Variants in TBCK observed in about 807,000 individuals in gnomAD.
The protein encoded by TBCK is TBC domain-containing protein kinase-like protein.
In TBCK, 99 loss-of-function variants were observed where a neutral mutation model predicts 113.4. The ratio of observed to expected loss-of-function variants is 0.87; its 90% CI spans 0.74 to 1.03. TBCK has a LOEUF of 1.03. TBCK is among the 50% of genes least tolerant of loss of function. The probability of loss-of-function intolerance (pLI) is 0.00; values close to 1 mark genes in which losing one functional copy is unlikely to be tolerated. For synonymous variants in TBCK, 369 were observed against 370.8 expected (o/e 1.00, Z 0.05); for missense variants, 1,045 against 1,061.3 (o/e 0.98, Z 0.21).
At chr4:106,076,295 C>T (rs911388666) in intron 25 of TBCK, among the ~76,000 whole-genome samples, 5 of 152,232 alleles carry the variant, frequency 3.3e-5, no homozygotes, top group South Asian at 2.1e-4. Context: ...CCATATATTA[C>T]TTGGAACCTA....
chr4:106,281,782 T>C (rs182313166), intron 3 of TBCK, among the ~76,000 whole-genome samples: 5 of 152,266 alleles, frequency 3.3e-5, no homozygotes, highest in African/African-American at 1.2e-4. Context: ...TCATGACGAA[T>C]GATCTTTCTA....
At chr4:106,215,620 G>A (rs1756790522) in intron 19 of TBCK, among the ~76,000 whole-genome samples, 1 of 152,240 alleles carries the variant, frequency 6.6e-6, no homozygotes, top group East Asian at 1.9e-4. Context: ...AGACAAAGAA[G>A]GCCATAACAT....
chr4:106,169,612 G>GTC (rs1750765215), intron 23 of TBCK, among the ~76,000 whole-genome samples: 1 of 152,060 alleles, frequency 6.6e-6, no homozygotes, highest in Admixed American at 6.6e-5. Flanking sequence ...ACCAAGGACT[G>GTC]TCTTCATGGA....
intron 25 of TBCK, among the ~76,000 whole-genome samples, chr4:106,094,862 A>C (rs1286778316): frequency 6.6e-6 from 1 of 152,140 alleles, no homozygotes; most frequent in Non-Finnish European, 1.5e-5. Context: ...ATATCTAGAT[A>C]CCTTCTCTGG....
At chr4:106,237,353 C>A (rs549038634) in intron 12 of TBCK, 436 of 314,030 alleles carry the variant, frequency 1.4e-3, no homozygotes, top group Non-Finnish European at 1.5e-3. Flanking sequence ...ATGACAAAAT[C>A]ATTTTAATAA....
chr4:106,052,309 GT>G (rs1358895603), intron 25 of TBCK, among the ~76,000 whole-genome samples: 1 of 151,682 alleles, frequency 6.6e-6, no homozygotes, highest in Non-Finnish European at 1.5e-5. Flanking sequence ...AGAAGAACAG[GT>G]AATTCCAGCA....
At chr4:106,118,692 C>G (rs1391449389) in intron 23 of TBCK, among the ~76,000 whole-genome samples, 2 of 152,178 alleles carry the variant, frequency 1.3e-5, no homozygotes, top group Non-Finnish European at 2.9e-5. Flanking sequence ...GCATTTCAAA[C>G]TGAAGTTTCA....
At position 106,135,878 on chromosome 4, in the gene TBCK, A is replaced by G. The variant is rs965465819; in HGVS notation, c.2236-19500T>C. 2.8e-5 allele frequency among the ~76,000 whole-genome samples: 4 copies of G among 141,774 alleles called. 1 individual carries two copies. Among genetic ancestry groups the G allele is most frequent in the Non-Finnish European group, 6.4e-5 (4 of 62,410 alleles). 93.0% of individuals were successfully genotyped at this position (141,774 alleles called of 152,430 possible). On this transcript the variant is annotated intron_variant, in intron 23 of 25. Coordinates refer to ENST00000394708, the MANE Select transcript of TBCK (RefSeq NM_001163435.3). ...TATTGAATAGGTAGACAAGTGCCAG[A>G]TTATGAGATCTCTGAAAGACAGAGA...
intron 24 of TBCK, among the ~76,000 whole-genome samples, chr4:106,107,305 C>T (rs1020682328): frequency 3.9e-5 from 6 of 152,082 alleles, no homozygotes; most frequent in East Asian, 1.9e-4. Flanking sequence ...CCTTTACAGA[C>T]GTCTCCACCC....
intron 14 of TBCK, 26 bp from the exon 15 acceptor site, chr4:106,235,393 A>G (rs761624229): frequency 6.6e-7 from 1 of 1,509,504 alleles, no homozygotes; most frequent in Non-Finnish European, 9.1e-7. Context: ...AGAAATGAAA[A>G]CGTCTCAAAT....
intron 3 of TBCK, among the ~76,000 whole-genome samples, chr4:106,265,548 GCA>G: frequency 6.6e-6 from 1 of 151,820 alleles, no homozygotes; most frequent in South Asian, 2.1e-4. Flanking sequence ...GAGAGAGAGA[GCA>G]AGAGGGAAAG....
At chr4:106,184,587 T>C (rs1292662242) in intron 22 of TBCK, among the ~76,000 whole-genome samples, 1 of 151,622 alleles carries the variant, frequency 6.6e-6, no homozygotes, top group Non-Finnish European at 1.5e-5. Flanking sequence ...TATATAGAGA[T>C]ACATGTGTTT....
chr4:106,096,063 T>C (rs1470263645), intron 24 of TBCK, among the ~76,000 whole-genome samples: 1 of 152,108 alleles, frequency 6.6e-6, no homozygotes. Context: ...GAAAGAACTG[T>C]AAATAAGTTC....
intron 25 of TBCK, among the ~76,000 whole-genome samples, chr4:106,076,840 T>C (rs557415205): frequency 6.6e-6 from 1 of 152,172 alleles, no homozygotes; most frequent in African/African-American, 2.4e-5. Flanking sequence ...CAGTGGCTCA[T>C]GCTTATAATC....
chr4:106,055,399 T>C (rs1393992140), intron 25 of TBCK, among the ~76,000 whole-genome samples: 1 of 151,672 alleles, frequency 6.6e-6, no homozygotes, highest in Non-Finnish European at 1.5e-5. Context: ...CTCATAAGGA[T>C]TAAAGGAAAG....
chr4:106,213,567 G>C (rs900271688), intron 19 of TBCK: 1 of 153,556 alleles, frequency 6.5e-6, no homozygotes, highest in Non-Finnish European at 1.4e-5. Flanking sequence ...AAGCGCAAGG[G>C]GTCAGGGAGT....
At chr4:106,286,597 C>G (rs948756021) in intron 3 of TBCK, among the ~76,000 whole-genome samples, 5 of 152,006 alleles carry the variant, frequency 3.3e-5, no homozygotes, top group African/African-American at 1.2e-4. Flanking sequence ...GAGGCTAAGG[C>G]AAGAAGATCA....
At chr4:106,279,428 C>A (rs1764360719) in intron 3 of TBCK, among the ~76,000 whole-genome samples, 1 of 152,152 alleles carries the variant, frequency 6.6e-6, no homozygotes, top group Non-Finnish European at 1.5e-5. Context: ...TCCATTACCT[C>A]AAGCATTTAT....
chr4:106,068,196 CA>C (rs1736891454), intron 25 of TBCK, among the ~76,000 whole-genome samples: 1 of 151,938 alleles, frequency 6.6e-6, no homozygotes, highest in South Asian at 2.1e-4. Flanking sequence ...TACATGTGCA[CA>C]ACGTGCAGGT....
Sources: allele counts gnomAD v4.1 joint callset (sites outside exome capture counted in the v4.1 genomes callset), GRCh38; gene constraint gnomAD v4.1.1; transcripts MANE v1.5; gene names NCBI Gene and HGNC (gene_info 2026-07-23, HGNC 2026-07-21).